Variants in RAD51B observed in about 807,000 individuals in gnomAD.
The protein encoded by RAD51B is RAD51 paralog B, also known as DNA repair protein RAD51 homolog 2.
In RAD51B, 38 loss-of-function variants were observed where a neutral mutation model predicts 42.2. The ratio of observed to expected loss-of-function variants is 0.90; its 90% CI spans 0.70 to 1.18. RAD51B has a LOEUF of 1.18. RAD51B is among the 50% of genes most tolerant of loss of function. The pLI, the probability that RAD51B is intolerant of heterozygous loss-of-function variation, is 0.00. For synonymous variants in RAD51B, 154 were observed against 145.2 expected, an observed-to-expected ratio of 1.06 and a Z score of -0.43; for missense variants, 373 against 400.7, an observed-to-expected ratio of 0.93 and a Z score of 0.59.
At chr14:68,601,656 G>A (rs757011767) in intron 10 of RAD51B, among the ~76,000 whole-genome samples, 4 of 152,046 alleles carry the variant, frequency 2.6e-5, no homozygotes, top group African/African-American at 4.8e-5. Context: ...CAGCTCTGCC[G>A]CCATTCATGT....
chr14:67,988,802 T>A (rs909593348), intron 7 of RAD51B, among the ~76,000 whole-genome samples: 2 of 152,212 alleles, frequency 1.3e-5, no homozygotes, highest in Non-Finnish European at 2.9e-5. Flanking sequence ...TCTTTAATTA[T>A]ATGTGATGAC....
intron 10 of RAD51B, among the ~76,000 whole-genome samples, chr14:68,517,631 A>T (rs1354278540): frequency 1.3e-5 from 2 of 152,202 alleles, no homozygotes; most frequent in Non-Finnish European, 2.9e-5. Flanking sequence ...TGCTACTTGT[A>T]GCATTTACAG....
intron 3 of RAD51B, among the ~76,000 whole-genome samples, chr14:67,829,320 G>A (rs2040948012): frequency 6.6e-6 from 1 of 151,480 alleles, no homozygotes; most frequent in African/African-American, 2.4e-5. Flanking sequence ...TTGGCTCACT[G>A]CAAGCTCTGC....
At chr14:67,921,228 C>G (rs2044312022) in intron 7 of RAD51B, among the ~76,000 whole-genome samples, 2 of 152,158 alleles carry the variant, frequency 1.3e-5, no homozygotes, top group Admixed American at 1.3e-4. Context: ...CATGTCATGT[C>G]AGACAGGGTA....
Position 68,477,863 on chromosome 14 carries a change from C to G in RAD51B, c.*199C>G, listed in dbSNP as rs1178441567. On this transcript the variant is annotated 3_prime_UTR_variant, in exon 11 of 11. Coordinates refer to ENST00000471583, the MANE Select transcript of RAD51B (RefSeq NM_133510.4). ...AGCAGGGAAGGTGAAGATGAAGAAG[C>G]CTTTGTTCAGGTCTCTAGATGTGTA... The G allele has an allele frequency of 2.1e-5, 30 of 1,420,658 alleles. No individual in the cohort carries two copies. Among genetic ancestry groups the G allele is most frequent in the Admixed American group, 3.0e-5 (1 of 33,076 alleles). 88.0% of individuals were successfully genotyped at this position (1,420,658 alleles called of 1,614,324 possible).
chr14:67,874,716 C>G (rs2042670189), intron 5 of RAD51B, among the ~76,000 whole-genome samples: 1 of 151,876 alleles, frequency 6.6e-6, no homozygotes, highest in Non-Finnish European at 1.5e-5. Flanking sequence ...CTCATATAGT[C>G]TTAGGCACCA....
intron 7 of RAD51B, among the ~76,000 whole-genome samples, chr14:68,191,522 G>A (rs1448888687): frequency 1.3e-5 from 2 of 152,072 alleles, no homozygotes; most frequent in Non-Finnish European, 2.9e-5. Context: ...CTTTGAATTC[G>A]GTCCTGAACC....
chr14:68,599,953 G>A (rs1891152472), downstream of RAD51B, among the ~76,000 whole-genome samples: 1 of 152,182 alleles, frequency 6.6e-6, no homozygotes, highest in South Asian at 2.1e-4. Flanking sequence ...CTCTCAGAGA[G>A]CCTAATCATT....
intron 7 of RAD51B, among the ~76,000 whole-genome samples, chr14:68,249,782 A>G (rs1566758792): frequency 6.6e-6 from 1 of 152,246 alleles, no homozygotes; most frequent in Non-Finnish European, 1.5e-5. Context: ...AATCAGGGCA[A>G]TCCTGTAGGT....
chr14:68,667,909 G>T (rs2140151711), intron 11 of RAD51B, among the ~76,000 whole-genome samples: 1 of 152,304 alleles, frequency 6.6e-6, no homozygotes, highest in African/African-American at 2.4e-5. Context: ...ACTGAAGGCA[G>T]ATCAGCCTTC....
At chr14:68,517,059 G>A (rs1380852878) in intron 10 of RAD51B, among the ~76,000 whole-genome samples, 2 of 152,136 alleles carry the variant, frequency 1.3e-5, no homozygotes, top group African/African-American at 2.4e-5. Context: ...TGGTTATTTG[G>A]TCCTTTTGAG....
At chr14:68,188,942 C>T (rs990644407) in intron 7 of RAD51B, among the ~76,000 whole-genome samples, 2 of 151,852 alleles carry the variant, frequency 1.3e-5, no homozygotes, top group East Asian at 3.9e-4. Flanking sequence ...TGGTGAAACT[C>T]GTATGTTTAT....
At chr14:68,014,862 A>T (rs1184356366) in intron 7 of RAD51B, among the ~76,000 whole-genome samples, 1 of 151,680 alleles carries the variant, frequency 6.6e-6, no homozygotes. Flanking sequence ...AAAAAAAAAA[A>T]AAAGGAGCAT....
At chr14:68,217,479 G>T (rs763761122) in intron 7 of RAD51B, among the ~76,000 whole-genome samples, 1 of 152,186 alleles carries the variant, frequency 6.6e-6, no homozygotes, top group African/African-American at 2.4e-5. Context: ...TATGATGCGG[G>T]TGCATGGTCC....
chr14:68,245,271 T>G (rs1380746233), intron 7 of RAD51B, among the ~76,000 whole-genome samples: 1 of 152,192 alleles, frequency 6.6e-6, no homozygotes, highest in Non-Finnish European at 1.5e-5. Context: ...CCTCACTAAT[T>G]TGGGGAACTG....
At chr14:67,907,599 G>C (rs1403025300) in intron 7 of RAD51B, among the ~76,000 whole-genome samples, 1 of 152,030 alleles carries the variant, frequency 6.6e-6, no homozygotes, top group African/African-American at 2.4e-5. Flanking sequence ...ACATTCACAT[G>C]TGGTTTTAAT....
At chr14:68,111,903 G>T (rs982321733) in intron 7 of RAD51B, among the ~76,000 whole-genome samples, 13 of 152,166 alleles carry the variant, frequency 8.5e-5, no homozygotes, top group African/African-American at 3.1e-4. Context: ...TATGTTACTT[G>T]TGCGATGTTC....
At chr14:67,845,959 A>G (rs978780404) in intron 4 of RAD51B, among the ~76,000 whole-genome samples, 3 of 152,152 alleles carry the variant, frequency 2.0e-5, no homozygotes, top group Non-Finnish European at 4.4e-5. Flanking sequence ...ATTTGAATTC[A>G]GGCCCCCAGC....
intron 7 of RAD51B, among the ~76,000 whole-genome samples, chr14:68,051,078 A>G (rs2076385393): frequency 6.6e-6 from 1 of 151,942 alleles, no homozygotes; most frequent in Non-Finnish European, 1.5e-5. Flanking sequence ...ATTGTCATTC[A>G]TAGTAGTGTC....
Sources: gnomAD v4.1 joint callset for allele counts (sites outside exome capture counted in the v4.1 genomes callset) on GRCh38, gnomAD v4.1.1 for gene constraint, MANE v1.5 for transcripts, NCBI Gene and HGNC (gene_info 2026-07-23, HGNC 2026-07-21) for gene names.